RTN4RL1: variants seen among roughly 807,000 people sequenced by gnomAD.
RTN4RL1 encodes reticulon-4 receptor-like 1.
A neutral mutation model predicts 25.6 loss-of-function variants in RTN4RL1; 7 were observed. The observed-to-expected ratio is 0.27, with a 90% CI of 0.16 to 0.51. The LOEUF (loss-of-function observed/expected upper bound fraction) is 0.51, where lower values mean the gene tolerates loss of function less well. RTN4RL1 is among the 20% of genes least tolerant of loss of function. The pLI, the probability that RTN4RL1 is intolerant of heterozygous loss-of-function variation, is 0.97. For missense variants in RTN4RL1, 500 were observed against 615.6 expected, an observed-to-expected ratio of 0.81 and a Z score of 1.99; for synonymous variants, 297 against 288.2, an observed-to-expected ratio of 1.03 and a Z score of -0.31.
At chr17:1,991,094 C>T (rs2066906475) in intron 1 of RTN4RL1, among the ~76,000 whole-genome samples, 1 of 152,184 alleles carries the variant, frequency 6.6e-6, no homozygotes, top group Admixed American at 6.5e-5. Flanking sequence ...TCGCAGATTC[C>T]ATTCGATTCA....
At chr17:1,961,682 C>T (rs1305182475) in intron 1 of RTN4RL1, among the ~76,000 whole-genome samples, 1 of 149,144 alleles carries the variant, frequency 6.7e-6, no homozygotes, top group Non-Finnish European at 1.5e-5. Context: ...AATCCCAGCA[C>T]TTTGGGAGGC....
intron 1 of RTN4RL1, among the ~76,000 whole-genome samples, chr17:1,987,204 T>C (rs1274736071): frequency 6.6e-6 from 1 of 151,978 alleles, no homozygotes; most frequent in African/African-American, 2.4e-5. Flanking sequence ...CCCCCAGCTC[T>C]CCACCCATGC....
intron 1 of RTN4RL1, among the ~76,000 whole-genome samples, chr17:1,971,537 G>T (rs570010672): frequency 6.6e-6 from 1 of 152,270 alleles, no homozygotes; most frequent in South Asian, 2.1e-4. Context: ...TAACTGCAAA[G>T]CCACGTACTT....
intron 1 of RTN4RL1, among the ~76,000 whole-genome samples, chr17:1,975,388 T>A (rs2066838563): frequency 6.6e-6 from 1 of 152,106 alleles, no homozygotes; most frequent in Non-Finnish European, 1.5e-5. Context: ...TGGTGGCTCA[T>A]GCCTGTAATC....
intron 1 of RTN4RL1, among the ~76,000 whole-genome samples, chr17:1,955,687 G>A (rs943972134): frequency 4.9e-4 from 75 of 151,878 alleles, no homozygotes; most frequent in African/African-American, 1.7e-3. Flanking sequence ...GGGTTCAAGC[G>A]ATTCTCCCAT....
intron 1 of RTN4RL1, among the ~76,000 whole-genome samples, chr17:2,005,106 A>G (rs2066984167): frequency 6.6e-6 from 1 of 152,186 alleles, no homozygotes; most frequent in Non-Finnish European, 1.5e-5. Context: ...CCTGGGCTCA[A>G]GCAATCCTCC....
intron 1 of RTN4RL1, among the ~76,000 whole-genome samples, chr17:1,976,153 G>C (rs1322308140): frequency 6.6e-6 from 1 of 152,246 alleles, no homozygotes; most frequent in South Asian, 2.1e-4. Context: ...GATAGGCAAT[G>C]ATGGACTATG....
chr17:1,951,089 C>A lies in RTN4RL1; in HGVS notation c.14-13281G>T, dbSNP rs186349165. Among the ~76,000 whole-genome samples the A allele has an allele frequency of 2.2e-3, 339 of 151,636 alleles. 3 individuals carry two copies. Among genetic ancestry groups the A allele is most frequent in the African/African-American group, 7.8e-3 (323 of 41,348 alleles). On this transcript the variant is annotated intron_variant, in intron 1 of 1. Transcript: ENST00000331238. Reference sequence around the variant, plus strand: ...GACCATCCTGGCTAACACGGTGAAACCCCATCTCTACTAAAAATACAAAAA... The same window carrying A: ...GACCATCCTGGCTAACACGGTGAAAACCCATCTCTACTAAAAATACAAAAA...
At chr17:1,996,052 C>T (rs1477581873) in intron 1 of RTN4RL1, among the ~76,000 whole-genome samples, 1 of 152,142 alleles carries the variant, frequency 6.6e-6, no homozygotes, top group Non-Finnish European at 1.5e-5. Flanking sequence ...CCTGCCCTGC[C>T]CTGGCTCAGG....
At chr17:2,000,945 C>T (rs543562032) in intron 1 of RTN4RL1, among the ~76,000 whole-genome samples, 3 of 152,224 alleles carry the variant, frequency 2.0e-5, no homozygotes, top group Admixed American at 1.3e-4. Context: ...AGCTGTGGCT[C>T]GCAGGCCTTT....
At chr17:1,953,589 A>T (rs1915728414) in intron 1 of RTN4RL1, among the ~76,000 whole-genome samples, 1 of 152,026 alleles carries the variant, frequency 6.6e-6, no homozygotes. Flanking sequence ...TTTTTGAGAC[A>T]GAGTCTCACT....
At chr17:1,996,522 G>A (rs1597233055) in intron 1 of RTN4RL1, among the ~76,000 whole-genome samples, 1 of 151,848 alleles carries the variant, frequency 6.6e-6, no homozygotes, top group Non-Finnish European at 1.5e-5. Context: ...CCCCTCTTCC[G>A]GATGTGATCC....
chr17:1,981,671 C>G (rs1032618219), intron 1 of RTN4RL1, among the ~76,000 whole-genome samples: 7 of 152,206 alleles, frequency 4.6e-5, no homozygotes, highest in Non-Finnish European at 7.3e-5. Context: ...CTGTGGCTGA[C>G]GTGCTGGTAC....
rs1029051591 is a variant in RTN4RL1, at chr17:1,936,163, C to T, written c.*333G>A. On this transcript the variant is annotated 3_prime_UTR_variant, in exon 2 of 2. Coordinates refer to ENST00000331238, the MANE Select transcript of RTN4RL1 (RefSeq NM_178568.4). Reference sequence around the variant, plus strand: ...GAACGATCGGGATTCCACAGAGCCCCGGTGCCGCCGTCGGGGGCAATTGTC... The same window carrying T: ...GAACGATCGGGATTCCACAGAGCCCTGGTGCCGCCGTCGGGGGCAATTGTC... 2.4e-5 allele frequency: 27 copies of T among 1,129,262 alleles called. No individual in the cohort carries two copies. Among genetic ancestry groups the T allele is most frequent in the Admixed American group, 2.2e-4 (5 of 22,348 alleles). The allele number at this position is 1,129,262 out of a possible 1,614,324, so 70.0% of individuals were successfully genotyped here. A position where few individuals can be genotyped will look rare whatever the true frequency, so the allele number is the denominator to read the frequency against.
At chr17:1,990,654 T>G (rs905881152) in intron 1 of RTN4RL1, among the ~76,000 whole-genome samples, 1 of 152,084 alleles carries the variant, frequency 6.6e-6, no homozygotes, top group Non-Finnish European at 1.5e-5. Flanking sequence ...TGAGCCATGA[T>G]GACACCACTG....
At chr17:2,013,355 T>C (rs1401106198) in intron 1 of RTN4RL1, among the ~76,000 whole-genome samples, 1 of 152,204 alleles carries the variant, frequency 6.6e-6, no homozygotes, top group Non-Finnish European at 1.5e-5. Flanking sequence ...TGCGAGGGCC[T>C]GCCCACAGCC....
intron 1 of RTN4RL1, among the ~76,000 whole-genome samples, chr17:1,961,084 C>G (rs1329889229): frequency 6.6e-6 from 1 of 152,208 alleles, no homozygotes; most frequent in East Asian, 1.9e-4. Context: ...TGTGATATCC[C>G]CATCCCCGGG....
chr17:1,953,921 C>T (rs1915735432), intron 1 of RTN4RL1, among the ~76,000 whole-genome samples: 1 of 152,188 alleles, frequency 6.6e-6, no homozygotes, highest in South Asian at 2.1e-4. Context: ...TACCTCCTGC[C>T]TCTGGGTGTG....
chr17:1,984,437 C>T (rs568004271), intron 1 of RTN4RL1, among the ~76,000 whole-genome samples: 132 of 152,278 alleles, frequency 8.7e-4, no homozygotes, highest in African/African-American at 2.7e-3. Flanking sequence ...AGTCATAGCT[C>T]ACTGAAGCCT....
Sources: allele counts gnomAD v4.1 joint callset (sites outside exome capture counted in the v4.1 genomes callset), GRCh38; gene constraint gnomAD v4.1.1; transcripts MANE v1.5; gene names NCBI Gene and HGNC (gene_info 2026-07-23, HGNC 2026-07-21).